UNC5D: variants seen among roughly 807,000 people sequenced by gnomAD.
The protein encoded by UNC5D is unc-5 netrin receptor D.
In UNC5D, 39 loss-of-function variants were observed where a neutral mutation model predicts 105.4. The observed-to-expected ratio is 0.37, with a 90% CI of 0.29 to 0.48. The LOEUF (loss-of-function observed/expected upper bound fraction) is 0.48, where lower values mean the gene tolerates loss of function less well. Ranked by LOEUF, UNC5D falls within the 20% of genes least tolerant of loss-of-function variation. The pLI is 0.98. For missense variants in UNC5D, 991 were observed against 1,202.4 expected (o/e 0.82, Z 2.60); for synonymous variants, 452 against 450.4 (o/e 1.00, Z -0.04).
intron 10 of UNC5D, chr8:35,726,998 AGTGTTACTTTCT>A (rs1252987070): frequency 6.3e-6 from 1 of 158,206 alleles, no homozygotes; most frequent in Non-Finnish European, 1.4e-5. Context: ...CCCTTGCTAT[AGTGTTACTTTCT>A]GGTGAGCAAC....
At chr8:35,399,363 A>G (rs1191162905) in intron 1 of UNC5D, among the ~76,000 whole-genome samples, 1 of 151,942 alleles carries the variant, frequency 6.6e-6, no homozygotes, top group Admixed American at 6.6e-5. Flanking sequence ...TAAGGCCTAA[A>G]TAAGTCATAT....
At chr8:35,343,315 T>C (rs545534280) in intron 1 of UNC5D, among the ~76,000 whole-genome samples, 1 of 152,244 alleles carries the variant, frequency 6.6e-6, no homozygotes, top group African/African-American at 2.4e-5. Flanking sequence ...TTAGGTCTTG[T>C]TCTTGTTGCT....
chr8:35,533,466 C>T (rs1183957523), intron 1 of UNC5D, among the ~76,000 whole-genome samples: 2 of 152,154 alleles, frequency 1.3e-5, no homozygotes, highest in African/African-American at 4.8e-5. Context: ...CATACAAGGA[C>T]ACTTAAGTCT....
intron 4 of UNC5D, among the ~76,000 whole-genome samples, chr8:35,656,361 C>A (rs1191927811): frequency 6.6e-6 from 1 of 152,152 alleles, no homozygotes. Flanking sequence ...TATAACCAGA[C>A]AATGCCATAT....
intron 1 of UNC5D, among the ~76,000 whole-genome samples, chr8:35,285,353 G>A (rs1806516324): frequency 6.6e-6 from 1 of 152,162 alleles, no homozygotes; most frequent in South Asian, 2.1e-4. Flanking sequence ...AGGACATTCT[G>A]TAGTATTTGG....
intron 4 of UNC5D, among the ~76,000 whole-genome samples, chr8:35,613,396 A>T (rs375409507): frequency 6.6e-6 from 1 of 152,164 alleles, no homozygotes; most frequent in Admixed American, 6.5e-5. Flanking sequence ...GCACTGCAGG[A>T]GTCGTTGTTG....
At chr8:35,492,162 C>T (rs1811257776) in intron 1 of UNC5D, among the ~76,000 whole-genome samples, 1 of 150,894 alleles carries the variant, frequency 6.6e-6, no homozygotes, top group African/African-American at 2.4e-5. Flanking sequence ...GCCATTATTT[C>T]CTTAAGCAAA....
At chr8:35,549,709 G>T (rs1166283459) in intron 2 of UNC5D, among the ~76,000 whole-genome samples, 199 bp downstream of exon 2, 1 of 152,164 alleles carries the variant, frequency 6.6e-6, no homozygotes, top group Non-Finnish European at 1.5e-5. Context: ...CCGATATGAT[G>T]CAGAGGCATT....
intron 1 of UNC5D, among the ~76,000 whole-genome samples, chr8:35,363,002 A>G (rs1029577661): frequency 6.6e-6 from 1 of 152,102 alleles, no homozygotes; most frequent in Non-Finnish European, 1.5e-5. Flanking sequence ...CCAGAGTCCA[A>G]TCCCGGGTCA....
intron 1 of UNC5D, among the ~76,000 whole-genome samples, chr8:35,530,055 T>G (rs1314402958): frequency 6.6e-6 from 1 of 150,890 alleles, no homozygotes; most frequent in Non-Finnish European, 1.5e-5. Flanking sequence ...CCTGCCTGAT[T>G]GCCCTGGCCA....
intron 1 of UNC5D, among the ~76,000 whole-genome samples, chr8:35,541,485 G>GCCAT (rs1406917432): frequency 1.3e-5 from 2 of 152,076 alleles, no homozygotes; most frequent in African/African-American, 4.8e-5. Flanking sequence ...TAATATTTCA[G>GCCAT]CCATCCCACA....
At chr8:35,522,071 C>A (rs1023491899) in intron 1 of UNC5D, among the ~76,000 whole-genome samples, 2 of 152,188 alleles carry the variant, frequency 1.3e-5, no homozygotes, top group Non-Finnish European at 2.9e-5. Flanking sequence ...TTCATAACAC[C>A]ATGCTCCCCA....
At chr8:35,466,212 G>A (rs924780178) in intron 1 of UNC5D, among the ~76,000 whole-genome samples, 1 of 152,102 alleles carries the variant, frequency 6.6e-6, no homozygotes, top group African/African-American at 2.4e-5. Context: ...TCTTCACAAG[G>A]AGTTACCGAA....
chr8:35,545,748 C>G (rs950946488), intron 1 of UNC5D, among the ~76,000 whole-genome samples: 1 of 152,136 alleles, frequency 6.6e-6, no homozygotes, highest in Admixed American at 6.5e-5. Context: ...CAATCCCTCA[C>G]CTTCCCACTG....
At chr8:35,399,365 A>G (rs1804307359) in intron 1 of UNC5D, among the ~76,000 whole-genome samples, 1 of 151,896 alleles carries the variant, frequency 6.6e-6, no homozygotes, top group Non-Finnish European at 1.5e-5. Flanking sequence ...AGGCCTAAAT[A>G]AGTCATATAG....
At chr8:35,773,034 G>C (rs1802079720) in intron 15 of UNC5D, among the ~76,000 whole-genome samples, 1 of 152,024 alleles carries the variant, frequency 6.6e-6, no homozygotes, top group African/African-American at 2.4e-5. Flanking sequence ...CTCATTTGAG[G>C]ACCACCTGAT....
chr8:35,618,611 C>T (rs1357413215), intron 4 of UNC5D, among the ~76,000 whole-genome samples: 2 of 152,300 alleles, frequency 1.3e-5, no homozygotes, highest in East Asian at 1.9e-4. Flanking sequence ...TGAGGACCCA[C>T]ATGCCAGGCT....
At position 35,741,089 on chromosome 8, in the gene UNC5D, G is replaced by C. The variant is rs186574538; in HGVS notation, c.1767-7438G>C. Among the ~76,000 whole-genome samples, 416 of 152,180 alleles carry C rather than the reference G, an allele frequency of 2.7e-3. 2 individuals are homozygous for C. Among genetic ancestry groups the C allele is most frequent in the Middle Eastern group, 6.8e-3 (2 of 294 alleles). ...CTCACTATCTCACTTCTTCTAAAAA[G>C]GCAAGCTAAATGCAAGCCTGACACT... On this transcript the variant is annotated intron_variant, in intron 11 of 16. Coordinates refer to ENST00000404895, the MANE Select transcript of UNC5D (RefSeq NM_080872.4).
intron 1 of UNC5D, among the ~76,000 whole-genome samples, chr8:35,329,954 C>T (rs891042596): frequency 5.9e-5 from 9 of 152,188 alleles, no homozygotes; most frequent in African/African-American, 2.2e-4. Context: ...AGGCACCCTG[C>T]TGAGTGCTTC....
Sources: gnomAD v4.1 joint callset for allele counts (sites outside exome capture counted in the v4.1 genomes callset) on GRCh38, gnomAD v4.1.1 for gene constraint, MANE v1.5 for transcripts, NCBI Gene and HGNC (gene_info 2026-07-23, HGNC 2026-07-21) for gene names.